Variants in LRRC49 observed in about 807,000 individuals in gnomAD.
LRRC49 encodes leucine-rich repeat-containing protein 49.
A neutral mutation model predicts 83.3 loss-of-function variants in LRRC49; 50 were observed. The observed-to-expected ratio is 0.60, with a 90% CI of 0.48 to 0.76. LRRC49 has a LOEUF of 0.76. Among genes scored for constraint, LRRC49 ranks in the 30% least tolerant of loss-of-function variants. The pLI, the probability that LRRC49 is intolerant of heterozygous loss-of-function variation, is 0.00. For missense variants in LRRC49, 704 were observed against 809.1 expected (o/e 0.87, Z 1.58); for synonymous variants, 286 against 283.3 (o/e 1.01, Z -0.10).
At chr15:70,957,931 T>A (rs2036460185) in intron 8 of LRRC49, among the ~76,000 whole-genome samples, 1 of 152,214 alleles carries the variant, frequency 6.6e-6, no homozygotes. Context: ...TAAATTAATT[T>A]TTAAAGATAT....
chr15:70,900,400 A>G, intron 3 of LRRC49: 1 of 452,358 alleles, frequency 2.2e-6, no homozygotes, highest in Non-Finnish European at 4.4e-6. Context: ...TACATCTGCT[A>G]TCCAAAACTA....
chr15:70,959,536 G>GGAAAGGAAGGAAGGAAGGAA (rs2036524538), intron 8 of LRRC49, among the ~76,000 whole-genome samples: 1 of 79,556 alleles, frequency 1.3e-5, no homozygotes, highest in Non-Finnish European at 2.3e-5. Flanking sequence ...GAGGAAAGGA[G>GGAAAGGAAGGAAGGAAGGAA]GGAAGGAAGG....
At position 71,008,368 on chromosome 15, in the gene LRRC49, G is replaced by A; in HGVS notation, c.1170-11G>A. ...TATCTTTCATTTAAAATTATACTTT[G>A]GGTTTTCCAGGCCTCTAGACTCAGG... On this transcript the variant is annotated splice_polypyrimidine_tract_variant and intron_variant, in intron 11 of 15. Coordinates refer to ENST00000260382, the MANE Select transcript of LRRC49 (RefSeq NM_017691.5). 6.6e-7 allele frequency: 1 copy of A among 1,505,592 alleles called. No homozygotes were observed. The highest frequency in any genetic ancestry group is 1.1e-5 in the South Asian group (1 of 87,122). 93.3% of individuals were successfully genotyped at this position (1,505,592 alleles called of 1,614,324 possible). A position where few individuals can be genotyped will look rare whatever the true frequency, so the allele number is the denominator to read the frequency against.
chr15:70,960,613 G>T (rs546983647), intron 8 of LRRC49, among the ~76,000 whole-genome samples: 1 of 152,042 alleles, frequency 6.6e-6, no homozygotes, highest in Non-Finnish European at 1.5e-5. Context: ...CAAATAAAAG[G>T]CCCAGAAATA....
At chr15:70,892,389 G>A (rs1019599029), upstream of LRRC49, 15 of 1,544,426 alleles carry the variant, frequency 9.7e-6, no homozygotes, top group African/African-American at 1.5e-4. Flanking sequence ...ACTCCGGGTC[G>A]GGATTGTTTC....
At chr15:70,931,534 T>G (rs2035407332) in intron 7 of LRRC49, among the ~76,000 whole-genome samples, 1 of 152,102 alleles carries the variant, frequency 6.6e-6, no homozygotes. Flanking sequence ...CCACAAACCT[T>G]CAATTTGTAA....
At chr15:70,914,039 C>T (rs1021139328) in intron 6 of LRRC49, among the ~76,000 whole-genome samples, 1 of 151,508 alleles carries the variant, frequency 6.6e-6, no homozygotes, top group East Asian at 2.0e-4. Flanking sequence ...GCACAAATTA[C>T]TTCTCAAGGT....
chr15:70,937,944 G>C (rs959842523), intron 8 of LRRC49, among the ~76,000 whole-genome samples: 6 of 151,820 alleles, frequency 4.0e-5, no homozygotes, highest in Non-Finnish European at 8.8e-5. Flanking sequence ...GCAATGGAAG[G>C]GTCACTCATT....
At chr15:71,035,041 TTAAAA>T (rs1435399610) in intron 14 of LRRC49, among the ~76,000 whole-genome samples, 1 of 152,174 alleles carries the variant, frequency 6.6e-6, no homozygotes, top group Admixed American at 6.5e-5. Flanking sequence ...ATCCTGGAAC[TTAAAA>T]TAAATAGAAG....
At chr15:70,860,417 CA>C (rs538103577) in intron 1 of LRRC49, among the ~76,000 whole-genome samples, 1 of 151,962 alleles carries the variant, frequency 6.6e-6, no homozygotes, top group Non-Finnish European at 1.5e-5. Flanking sequence ...CAAACAAAAC[CA>C]AAAAACAAAA....
At chr15:70,860,301 G>A in intron 1 of LRRC49, 2 of 531,120 alleles carry the variant, frequency 3.8e-6, no homozygotes, top group South Asian at 4.6e-5. Flanking sequence ...CCGCGGGGGA[G>A]TTTACTGCCT....
intron 1 of LRRC49, among the ~76,000 whole-genome samples, chr15:70,865,387 C>A (rs1319474889): frequency 6.6e-6 from 1 of 152,044 alleles, no homozygotes; most frequent in Non-Finnish European, 1.5e-5. Flanking sequence ...CCTACAAAAC[C>A]ACAATATCAT....
At chr15:70,854,952 C>T (rs1264325029) in intron 1 of LRRC49, among the ~76,000 whole-genome samples, 1 of 152,170 alleles carries the variant, frequency 6.6e-6, no homozygotes, top group Admixed American at 6.5e-5. Context: ...TGTTCTAAAA[C>T]ACTGCCACCT....
intron 6 of LRRC49, among the ~76,000 whole-genome samples, chr15:70,916,483 C>G (rs993246483): frequency 6.6e-6 from 1 of 152,134 alleles, no homozygotes; most frequent in African/African-American, 2.4e-5. Context: ...TTAGTAGAGA[C>G]AGGGTTTCAC....
intron 13 of LRRC49, among the ~76,000 whole-genome samples, chr15:71,011,585 C>T (rs1407158329): frequency 6.6e-6 from 1 of 152,072 alleles, no homozygotes; most frequent in African/African-American, 2.4e-5. Context: ...AGTAATGTTA[C>T]ACTGCATTTT....
intron 3 of LRRC49, chr15:70,900,535 A>G (rs1386339455): frequency 2.2e-6 from 1 of 457,140 alleles, no homozygotes; most frequent in Admixed American, 2.3e-5. Context: ...ACACCTTCAA[A>G]ATCCAGAATC....
chr15:70,916,722 G>T (rs185508213), intron 6 of LRRC49, among the ~76,000 whole-genome samples: 5 of 152,296 alleles, frequency 3.3e-5, no homozygotes, highest in African/African-American at 1.2e-4. Context: ...GGACAAGTGG[G>T]AGCCCTGCCC....
Position 71,049,569 on chromosome 15 carries a change from C to T in LRRC49, c.2018C>T (p.Ser673Phe), listed in dbSNP as rs1472815204. ...DAVIEIRNKN[S>F]YMKLCLQQIT... is the part of the protein sequence containing the mutation. ...GTCATAGAAATTCGCAATAAAAATT[C>T]CTATATGAAGCTCTGCCTACAGCAG... Residue 673 changes from serine to phenylalanine, a missense_variant, in exon 16 of 16, where the codon TCC (serine) becomes TTC (phenylalanine). Physicochemically the swap from Ser to Phe is radical, Grantham distance 155. Around this residue, in one of 3 missense-constraint regions of LRRC49, gnomAD observed 275 missense variants for 338.0 expected, o/e 0.81. Transcript: ENST00000260382. 1 of 1,613,928 alleles carries T rather than the reference C, an allele frequency of 6.2e-7. No homozygotes were observed. Among genetic ancestry groups the T allele is most frequent in the African/African-American group, 1.3e-5 (1 of 75,016 alleles).
intron 7 of LRRC49, among the ~76,000 whole-genome samples, chr15:70,926,641 T>C (rs1006637707): frequency 4.6e-5 from 7 of 152,262 alleles, no homozygotes; most frequent in African/African-American, 1.7e-4. Flanking sequence ...TAATATTAGG[T>C]ATATCTCCTA....
Sources: allele counts gnomAD v4.1 joint callset (sites outside exome capture counted in the v4.1 genomes callset), GRCh38; gene constraint gnomAD v4.1.1; regional missense constraint gnomAD v4.1.1; transcripts MANE v1.5; gene names NCBI Gene and HGNC (gene_info 2026-07-23, HGNC 2026-07-21).